ADAMTS6: variants seen among roughly 807,000 people sequenced by gnomAD.
ADAMTS6 encodes the protein ADAM metallopeptidase with thrombospondin type 1 motif 6, also known as A disintegrin and metalloproteinase with thrombospondin motifs 6.
Under a neutral mutation model 144.3 loss-of-function variants are expected in ADAMTS6, and 23 were observed. The ratio of observed to expected loss-of-function variants is 0.16; its 90% CI spans 0.11 to 0.23. The LOEUF is 0.23. Among genes scored for constraint, ADAMTS6 ranks in the 10% least tolerant of loss-of-function variants. The pLI is 1.00. For synonymous variants in ADAMTS6, 444 were observed against 457.5 expected, an observed-to-expected ratio of 0.97 and a Z score of 0.38; for missense variants, 999 against 1,379.6, an observed-to-expected ratio of 0.72 and a Z score of 4.37.
rs1761110511 is a variant in ADAMTS6, at chr5:65,480,242, C to T, written c.-280+1101G>A. ...AAAAGAACATGTTGAAAATCACACTCAAGTGTCTCTTTTAAAGTTCCAAGC... is the reference window on the plus strand; with the variant it reads ...AAAAGAACATGTTGAAAATCACACTTAAGTGTCTCTTTTAAAGTTCCAAGC... On this transcript the variant is annotated intron_variant, in intron 1 of 24. Transcript: ENST00000381055. Among the ~76,000 whole-genome samples the T allele has an allele frequency of 2.6e-5, 4 of 152,156 alleles. No individual in the cohort carries two copies. In the South Asian group the frequency reaches 6.2e-4, roughly 24 times the overall value.
At chr5:65,427,439 G>T (rs1756636955) in intron 7 of ADAMTS6, among the ~76,000 whole-genome samples, 1 of 151,862 alleles carries the variant, frequency 6.6e-6, no homozygotes, top group South Asian at 2.1e-4. Context: ...AAGTGGCTAG[G>T]GTTACAAATA....
intron 14 of ADAMTS6, among the ~76,000 whole-genome samples, chr5:65,257,900 C>G (rs1760826056): frequency 6.6e-6 from 1 of 152,126 alleles, no homozygotes; most frequent in Non-Finnish European, 1.5e-5. Flanking sequence ...AGTGATTTCC[C>G]AATAAATTTA....
chr5:65,421,400 C>T (rs1014784048), intron 7 of ADAMTS6, among the ~76,000 whole-genome samples: 4 of 152,192 alleles, frequency 2.6e-5, no homozygotes, highest in Non-Finnish European at 5.9e-5. Flanking sequence ...GGACCCCAAT[C>T]CCTTCTGGCT....
intron 24 of ADAMTS6, among the ~76,000 whole-genome samples, chr5:65,158,830 T>C (rs1411490971): frequency 6.6e-6 from 1 of 152,166 alleles, no homozygotes; most frequent in Non-Finnish European, 1.5e-5. Flanking sequence ...CTTCCTCCCA[T>C]TTCCCTCTTG....
At chr5:65,375,959 T>C (rs1031963866) in intron 7 of ADAMTS6, among the ~76,000 whole-genome samples, 4 of 152,186 alleles carry the variant, frequency 2.6e-5, no homozygotes, top group African/African-American at 9.7e-5. Flanking sequence ...ATGTCGTTTG[T>C]AGGGACATGG....
chr5:65,458,601 A>C (rs1038045196), intron 4 of ADAMTS6, among the ~76,000 whole-genome samples: 1 of 152,022 alleles, frequency 6.6e-6, no homozygotes, highest in African/African-American at 2.4e-5. Flanking sequence ...TAGTAGAGAC[A>C]GGGTTTCACC....
chr5:65,388,866 T>C (rs2150144948), intron 7 of ADAMTS6, among the ~76,000 whole-genome samples: 1 of 152,244 alleles, frequency 6.6e-6, no homozygotes, highest in East Asian at 1.9e-4. Flanking sequence ...ACATAAAGAA[T>C]GTTTTCGTGT....
At chr5:65,333,950 T>A in intron 8 of ADAMTS6, 92 bp downstream of exon 8, 1 of 1,179,448 alleles carries the variant, frequency 8.5e-7, no homozygotes. Context: ...ATAATAAAGA[T>A]TAAAGTCATT....
rs1226099428 is a variant in ADAMTS6, at chr5:65,214,250, G to C, written c.2575+544C>G. On this transcript the variant is annotated intron_variant, in intron 20 of 24. Coordinates refer to ENST00000381055, the MANE Select transcript of ADAMTS6 (RefSeq NM_197941.4). This position sits in a 1 kb window ranked among gnomAD's most constrained non-coding sequence, Gnocchi z 4.6. ...CAGCTACCTCTGAGGGACTGTAATG[G>C]GGTCAGTATACACCATTAACCCAGA... is the stretch of plus-strand genomic sequence containing the variant. 5.3e-6 allele frequency: 1 copy of C among 189,624 alleles called. No individual in the cohort carries two copies. The highest frequency in any genetic ancestry group is 1.5e-4 in the East Asian group (1 of 6,786). The allele number at this position is 189,624 out of a possible 1,614,324, so 11.7% of individuals were successfully genotyped here.
At chr5:65,178,500 G>GGGCT (rs1754123059) in intron 22 of ADAMTS6, among the ~76,000 whole-genome samples, 1 of 152,158 alleles carries the variant, frequency 6.6e-6, no homozygotes, top group Non-Finnish European at 1.5e-5. Flanking sequence ...CCCAGCCCTG[G>GGGCT]GGCTACCTGA....
chr5:65,294,034 T>G (rs546980522), intron 10 of ADAMTS6, among the ~76,000 whole-genome samples: 5 of 152,338 alleles, frequency 3.3e-5, no homozygotes, highest in African/African-American at 1.2e-4. Context: ...TAGCAAGGCT[T>G]ACAAGTCAAG....
intron 15 of ADAMTS6, among the ~76,000 whole-genome samples, chr5:65,238,230 T>C (rs553894708): frequency 6.6e-6 from 1 of 152,232 alleles, no homozygotes; most frequent in South Asian, 2.1e-4. Flanking sequence ...GAAAATGTAA[T>C]AAAAGGCATA....
intron 20 of ADAMTS6, among the ~76,000 whole-genome samples, chr5:65,197,596 A>T (rs1322120155): frequency 6.6e-6 from 1 of 152,222 alleles, no homozygotes; most frequent in East Asian, 1.9e-4. Flanking sequence ...TTGTAGAACA[A>T]ATCCCATCTA....
At chr5:65,285,997 C>A (rs1484190926) in intron 11 of ADAMTS6, among the ~76,000 whole-genome samples, 2 of 152,110 alleles carry the variant, frequency 1.3e-5, no homozygotes, top group African/African-American at 4.8e-5. Context: ...TCAGTATGTG[C>A]GCCTTGGAAT....
rs541299248 is a variant in ADAMTS6, at chr5:65,198,850, A to G, written c.2576-1699T>C. 3.3e-5 allele frequency: 5 copies of G among 153,312 alleles called. No homozygotes were observed. In the Admixed American group the frequency reaches 3.3e-4, roughly 10 times the overall value. 9.5% of individuals were successfully genotyped at this position (153,312 alleles called of 1,614,324 possible). A position where few individuals can be genotyped will look rare whatever the true frequency, so the allele number is the denominator to read the frequency against. On this transcript the variant is annotated intron_variant, in intron 20 of 24. Coordinates refer to ENST00000381055, the MANE Select transcript of ADAMTS6 (RefSeq NM_197941.4). The stretch of plus-strand genomic sequence containing the variant: ...GACAACAGTTTGGAATTTTTTAACT[A>G]TTAAACTTTAGAATTTTTGAGGGAA...
intron 9 of ADAMTS6, among the ~76,000 whole-genome samples, chr5:65,313,990 C>T (rs887321173): frequency 1.3e-5 from 2 of 151,870 alleles, no homozygotes; most frequent in African/African-American, 4.8e-5. Context: ...ATATATAAGA[C>T]ATACTGAAAC....
rs1295827969 is a variant in ADAMTS6 at position 65,214,610 on chromosome 5, A to G, written c.2575+184T>C. The G allele has an allele frequency of 3.8e-6, 3 of 790,736 alleles. No individual in the cohort carries two copies. The highest frequency in any genetic ancestry group is 2.4e-5 in the Admixed American group (1 of 42,268). The allele number at this position is 790,736 out of a possible 1,614,324, so 49.0% of individuals were successfully genotyped here. A position where few individuals can be genotyped will look rare whatever the true frequency, so the allele number is the denominator to read the frequency against. ...TTACCAACAAATCTGCACAAATTACATGAGGTTGAAAACAAATGGAATATA... is the reference window on the plus strand; with the variant it reads ...TTACCAACAAATCTGCACAAATTACGTGAGGTTGAAAACAAATGGAATATA... On this transcript the variant is annotated intron_variant, in intron 20 of 24. Coordinates refer to ENST00000381055, the MANE Select transcript of ADAMTS6 (RefSeq NM_197941.4). The surrounding 1 kb of genome is among the most constrained non-coding windows in gnomAD (Gnocchi z 4.6).
chr5:65,469,620 A>C (rs1760281496), intron 3 of ADAMTS6, among the ~76,000 whole-genome samples: 1 of 152,212 alleles, frequency 6.6e-6, no homozygotes, highest in Non-Finnish European at 1.5e-5. Context: ...TTAAGCCTAA[A>C]TCTTACAAGC....
At chr5:65,363,739 A>G (rs1750043998) in intron 7 of ADAMTS6, among the ~76,000 whole-genome samples, 3 of 152,224 alleles carry the variant, frequency 2.0e-5, no homozygotes, top group South Asian at 2.1e-4. Flanking sequence ...TCAATTAAGA[A>G]TAAGAGACTT....
Sources: allele counts gnomAD v4.1 joint callset (sites outside exome capture counted in the v4.1 genomes callset), GRCh38; gene constraint gnomAD v4.1.1; non-coding constraint Gnocchi (gnomAD v3.1); transcripts MANE v1.5; gene names NCBI Gene and HGNC (gene_info 2026-07-23, HGNC 2026-07-21).